NLRP1: variants seen among roughly 807,000 people sequenced by gnomAD.
NLRP1 encodes NACHT, LRR and PYD domains-containing protein 1.
Under a neutral mutation model 136.7 loss-of-function variants are expected in NLRP1, and 94 were observed. The ratio of observed to expected loss-of-function variants is 0.69; its 90% CI spans 0.58 to 0.82. The LOEUF is 0.82. Among genes scored for constraint, NLRP1 ranks in the 40% least tolerant of loss-of-function variants. The probability of loss-of-function intolerance (pLI) is 0.00; values close to 1 mark genes in which losing one functional copy is unlikely to be tolerated. For synonymous variants in NLRP1, 690 were observed against 725.1 expected (o/e 0.95, Z 0.78); for missense variants, 1,575 against 1,802.7 (o/e 0.87, Z 2.29).
chr17:5,531,147 TATCTATCTATCTATCTAATCTATCTA>T (rs1910192424), intron 11 of NLRP1, among the ~76,000 whole-genome samples: 1 of 64,480 alleles, frequency 1.6e-5, no homozygotes, highest in Non-Finnish European at 4.5e-5. Context: ...CTTGTCTGTC[TATCTATCTATCTATCTAATCTATCTA>T]ATCTATCTAT....
At chr17:5,510,730 C>T (rs1881751822), downstream of NLRP1, among the ~76,000 whole-genome samples, 1 of 152,088 alleles carries the variant, frequency 6.6e-6, no homozygotes, top group Non-Finnish European at 1.5e-5. Context: ...CCAGGCTGGT[C>T]TTGAACTCCT....
At chr17:5,548,829 G>A (rs978099532) in intron 5 of NLRP1, among the ~76,000 whole-genome samples, 1 of 152,080 alleles carries the variant, frequency 6.6e-6, no homozygotes, top group Non-Finnish European at 1.5e-5. Flanking sequence ...CTCTCTCCTG[G>A]TGTCCCTTTC....
chr17:5,549,714 G>T (rs1913095396), intron 5 of NLRP1, among the ~76,000 whole-genome samples: 1 of 152,188 alleles, frequency 6.6e-6, no homozygotes, highest in Admixed American at 6.5e-5. Context: ...ACTCTGGATG[G>T]AACCTTGAGT....
In NLRP1 at chr17:5,514,874, C is replaced by A. The variant is rs368144465; in HGVS notation, c.4302G>T (p.Gln1434His). The A allele has an allele frequency of 8.7e-6, 14 of 1,614,076 alleles. No individual in the cohort carries two copies. Among genetic ancestry groups the A allele is most frequent in the Non-Finnish European group, 1.2e-5 (14 of 1,180,052 alleles). The change falls in exon 17 of 17, where the codon CAG becomes CAT. Residue 1434 changes from glutamine (Q) to histidine (H), a missense_variant. Physicochemically the swap from Gln to His is conservative, Grantham distance 24. Transcript: ENST00000572272. Reference protein sequence around the residue: ...SQMRKLFSLSQSWDRKCKDGL... With the variant: ...SQMRKLFSLSHSWDRKCKDGL... ...CATCTTTGCACTTCCGGTCCCAGGA[C>A]TGGCTCAAGCTGAACAGCTTCCGCA...
chr17:5,525,035 G>A (rs373310142), intron 12 of NLRP1, among the ~76,000 whole-genome samples: 1 of 152,186 alleles, frequency 6.6e-6, no homozygotes, highest in East Asian at 1.9e-4. Flanking sequence ...GAAGCAATGG[G>A]GAAGACTGTG....
rs183043240 is a variant in NLRP1, at chr17:5,565,944, T to C, written c.653-5901A>G. ...TATCTAGAGATTTGTCCATTTCTTC[T>C]AGATTTTCCAATTTATTGGCATATA... is the stretch of plus-strand genomic sequence containing the variant. On this transcript the variant is annotated intron_variant, in intron 3 of 16. Transcript: ENST00000572272. Among the ~76,000 whole-genome samples, 481 of 152,332 alleles carry C rather than the reference T, an allele frequency of 3.2e-3. 9 individuals carry two copies. Among genetic ancestry groups the C allele is most frequent in the Middle Eastern group, 6.8e-3 (2 of 294 alleles).
chr17:5,517,362 C>CCACCG lies in NLRP1; in HGVS notation c.4057+383_4057+384insCGGTG, dbSNP rs1555542066. Among the ~76,000 whole-genome samples the CCACCG allele has an allele frequency of 1.5e-4, 9 of 61,564 alleles. 1 individual carries two copies. Among genetic ancestry groups the CCACCG allele is most frequent in the Non-Finnish European group, 2.7e-4 (7 of 26,150 alleles). The allele number at this position is 61,564 out of a possible 152,430, so 40.4% of individuals were successfully genotyped here. ...TAGTGCACTCTGCACCCCCCCCCCT[C>CCACCG]CCACATACACAGACTTTCTTCCATT... On this transcript the variant is annotated intron_variant, in intron 15 of 16. Transcript: ENST00000572272.
chr17:5,575,775 T>C (rs145382636), intron 3 of NLRP1, among the ~76,000 whole-genome samples: 2,703 of 152,312 alleles, frequency 0.018, 74 homozygotes, highest in African/African-American at 0.062. Context: ...CCAAGGGACC[T>C]AATAGACATC....
chr17:5,574,784 C>G (rs1904838565), intron 3 of NLRP1, among the ~76,000 whole-genome samples: 1 of 151,640 alleles, frequency 6.6e-6, no homozygotes, highest in African/African-American at 2.4e-5. Context: ...GCCTTAGCCT[C>G]CTGAGCAGCT....
chr17:5,559,654 T>C lies in NLRP1; in HGVS notation c.1042A>G (p.Lys348Glu), dbSNP rs771788517. ...IGKSTLARQV[K>E]EAWGRGQLYG... ...AGCTGGCCTCTCCCCCAGGCTTCCTTCACCTGCCTGGCCAGTGTTGACTTC... is the reference window on the plus strand; with the variant it reads ...AGCTGGCCTCTCCCCCAGGCTTCCTCCACCTGCCTGGCCAGTGTTGACTTC... The change falls in exon 4 of 17, where the codon AAG becomes GAG. Residue 348 changes from lysine (K) to glutamate (E), a missense_variant. Transcript: ENST00000572272. 3.1e-6 allele frequency: 5 copies of C among 1,614,090 alleles called. No homozygotes were observed. Among genetic ancestry groups the C allele is most frequent in the Non-Finnish European group, 4.2e-6 (5 of 1,180,024 alleles).
Position 5,526,843 on chromosome 17 carries a change from C to T in NLRP1, c.3520+3638G>A, listed in dbSNP as rs146022268. ...AGGAGGGTGAGAATGCCCATTGCCA[C>T]GGTGATGAAGCTGAGAGGCTGAAAG... On this transcript the variant is annotated intron_variant, in intron 12 of 16. Transcript: ENST00000572272. Among the ~76,000 whole-genome samples, 344 of 152,334 alleles carry T rather than the reference C, an allele frequency of 2.3e-3. 2 individuals carry two copies. Among genetic ancestry groups the T allele is most frequent in the African/African-American group, 7.9e-3 (328 of 41,566 alleles).
intron 3 of NLRP1, among the ~76,000 whole-genome samples, chr17:5,574,495 C>A (rs1904798880): frequency 6.6e-6 from 1 of 152,056 alleles, no homozygotes; most frequent in Admixed American, 6.6e-5. Flanking sequence ...AACTCCAAGA[C>A]ACATAATTGT....
chr17:5,566,758 G>A (rs920541307), intron 3 of NLRP1, among the ~76,000 whole-genome samples: 4 of 152,060 alleles, frequency 2.6e-5, no homozygotes, highest in Non-Finnish European at 5.9e-5. Context: ...TAAAAGTGGG[G>A]TGTTAAAGTC....
Position 5,583,677 on chromosome 17 carries a change from G to T in NLRP1, c.271+10C>A. On this transcript the variant is annotated intron_variant, in intron 1 of 16. Transcript: ENST00000572272. The surrounding 1 kb of genome is among the most constrained non-coding windows in gnomAD (Gnocchi z 4.5). Reference sequence around the variant, plus strand: ...TGTCCCGCGGGCAGTGGGGTCCTCTGTCCACTCACCTGCCCCTTCCTGGGC... The same window carrying T: ...TGTCCCGCGGGCAGTGGGGTCCTCTTTCCACTCACCTGCCCCTTCCTGGGC... 1 of 1,551,074 alleles carries T rather than the reference G, an allele frequency of 6.4e-7. No individual in the cohort carries two copies. Among genetic ancestry groups the T allele is most frequent in the Non-Finnish European group, 8.7e-7 (1 of 1,147,536 alleles).
At chr17:5,553,218 T>C (rs1399401650) in intron 5 of NLRP1, among the ~76,000 whole-genome samples, 168 bp downstream of exon 5, 1 of 151,732 alleles carries the variant, frequency 6.6e-6, no homozygotes, top group Non-Finnish European at 1.5e-5. Context: ...TTTTTTTTTT[T>C]ATGAGCAAAA....
intron 13 of NLRP1, 104 bp downstream of exon 13, chr17:5,521,420 C>T: frequency 2.5e-6 from 3 of 1,208,594 alleles, no homozygotes; most frequent in Non-Finnish European, 3.5e-6. Context: ...GTACAAGAGG[C>T]CCATCCTTGG....
At chr17:5,509,626 G>A (rs1157544999), downstream of NLRP1, among the ~76,000 whole-genome samples, 1 of 152,142 alleles carries the variant, frequency 6.6e-6, no homozygotes, top group Admixed American at 6.5e-5. Context: ...GGAGTACAAT[G>A]GCGTGATCTC....
intron 12 of NLRP1, 49 bp from the exon 13 acceptor site, chr17:5,521,835 T>C (rs775803374): frequency 1.3e-6 from 2 of 1,512,302 alleles, no homozygotes; most frequent in South Asian, 2.6e-5. Flanking sequence ...TATTTATTTA[T>C]TTTGTTGAGA....
In NLRP1 at chr17:5,530,537, T is replaced by C. The variant is rs778334036; in HGVS notation, c.3464A>G (p.Lys1155Arg). Residue 1155 changes from lysine to arginine, a missense_variant, in exon 12 of 17, where the codon AAG (lysine) becomes AGG (arginine). Transcript: ENST00000572272. Reference sequence around the variant, plus strand: ...AGCTTCCACAGCTCCAGGCTCAGCCTTGATGTCCAGCAGAGGCCCTGCCAC... The same window carrying C: ...AGCTTCCACAGCTCCAGGCTCAGCCCTGATGTCCAGCAGAGGCCCTGCCAC... ...WMVAGPLLDI[K>R]AEPGAVEAVH... 6.2e-7 allele frequency: 1 copy of C among 1,614,240 alleles called. No homozygotes were observed. Among genetic ancestry groups the C allele is most frequent in the Admixed American group, 1.7e-5 (1 of 60,026 alleles).
Sources: allele counts gnomAD v4.1 joint callset (sites outside exome capture counted in the v4.1 genomes callset), GRCh38; gene constraint gnomAD v4.1.1; non-coding constraint Gnocchi (gnomAD v3.1); transcripts MANE v1.5; gene names NCBI Gene and HGNC (gene_info 2026-07-23, HGNC 2026-07-21).